The following DCLK3 variants were observed in gnomAD, a reference collection of about 807,000 sequenced individuals.
The protein encoded by DCLK3 is doublecortin like kinase 3, also known as serine/threonine-protein kinase DCLK3.
DCLK3 carries 30 observed loss-of-function variants against 46.4 expected under a neutral mutation model. The observed-to-expected ratio is 0.65, with a 90% confidence interval of 0.48 to 0.88. The LOEUF (loss-of-function observed/expected upper bound fraction) is 0.88. DCLK3 is among the 40% of genes least tolerant of loss of function. The pLI, the probability that DCLK3 is intolerant of heterozygous loss-of-function variation, is 0.00. For missense variants in DCLK3, 846 were observed against 907.1 expected (o/e 0.93, Z 0.87); for synonymous variants, 401 against 339.2 (o/e 1.18, Z -2.00).
Position 36,738,520 on chromosome 3 carries a change from G to A in DCLK3, c.647C>T (p.Ala216Val), listed in dbSNP as rs1701302326. ...CCCACAGCGGTGGTCTCCTTTCAGA[G>A]CCTTGCTAAACAGCCTGCTCCTCAG... The part of the protein sequence containing the change: ...PRLRSRLFSK[A>V]LKGDHRCGET... Residue 216 changes from alanine (A) to valine (V), a missense_variant, in exon 2 of 5, where the codon GCT becomes GTT. Ala to Val is a moderately conservative substitution (Grantham distance 64). This residue lies in a region of DCLK3 where 553 missense variants were observed against 543.0 expected (regional missense o/e 1.02). Coordinates refer to ENST00000636136, the MANE Select transcript of DCLK3 (RefSeq NM_001394672.2). 1.3e-6 allele frequency: 2 copies of A among 1,515,012 alleles called. No individual in the cohort carries two copies. Among genetic ancestry groups the A allele is most frequent in the Admixed American group, 2.2e-5 (1 of 45,532 alleles). 93.8% of individuals were successfully genotyped at this position (1,515,012 alleles called of 1,614,324 possible).
At chr3:36,759,899 A>G (rs1028408783) in intron 1 of DCLK3, among the ~76,000 whole-genome samples, 3 of 152,120 alleles carry the variant, frequency 2.0e-5, no homozygotes, top group African/African-American at 7.2e-5. Context: ...ACCATATCAT[A>G]ATCGTACATT....
rs148811847 is a variant in DCLK3 at position 36,738,438 on chromosome 3, C to T, written c.729G>A (p.Arg243=). 2.0e-3 allele frequency: 3,026 copies of T among 1,478,036 alleles called. 91 individuals carry two copies. In the South Asian group the frequency reaches 0.042, roughly 20 times the overall value. The allele number at this position is 1,478,036 out of a possible 1,614,324, so 91.6% of individuals were successfully genotyped here. The stretch of plus-strand genomic sequence containing the variant: ...GCTCCTCGGGGATCTTCCCCTGGTG[C>T]CTCATGGCTGCCTTGCATCCTGCAA... ...SEVAGCKAAM[R]HQGKIPEELS... The change falls in exon 2 of 5, where the codon AGG becomes AGA. Residue 243 remains arginine (R), a synonymous_variant. Transcript: ENST00000636136.
At chr3:36,741,796 A>G (rs921995523) in intron 1 of DCLK3, among the ~76,000 whole-genome samples, 12 of 152,250 alleles carry the variant, frequency 7.9e-5, no homozygotes, top group African/African-American at 2.9e-4. Context: ...TGTATATTGT[A>G]TCATGGGATG....
intron 1 of DCLK3, among the ~76,000 whole-genome samples, chr3:36,741,252 GC>G (rs1412015101): frequency 3.3e-5 from 5 of 152,182 alleles, no homozygotes; most frequent in Non-Finnish European, 1.5e-5. Context: ...AAACGCATGT[GC>G]ACAAAAGGGC....
Position 36,738,852 on chromosome 3 carries a change from CTG to C in DCLK3, c.313_314del (p.Gln105AlafsTer23). The C allele has an allele frequency of 4.8e-6, 3 of 628,936 alleles. No individual in the cohort carries two copies. 39.0% of individuals were successfully genotyped at this position (628,936 alleles called of 1,614,324 possible). On this transcript the variant is annotated frameshift_variant, in exon 2 of 5. Coordinates refer to ENST00000636136, the MANE Select transcript of DCLK3 (RefSeq NM_001394672.2). LOFTEE classifies it high-confidence loss of function. ...GGAGCAGAGTGATCTTTCGGGGGCG[CTG>C]CCCACCCAGCTTCACTACGGTCACG... The part of the protein sequence containing the change: ...RVVTVVKLGG[Q>X]RPRKITLLLN...
At chr3:36,718,890 T>C (rs1701022424) in intron 3 of DCLK3, among the ~76,000 whole-genome samples, 1 of 152,212 alleles carries the variant, frequency 6.6e-6, no homozygotes, top group African/African-American at 2.4e-5. Flanking sequence ...ATAAAATGTT[T>C]ATTTACTTTT....
chr3:36,727,020 C>T (rs572743538), intron 2 of DCLK3, among the ~76,000 whole-genome samples: 76 of 152,186 alleles, frequency 5.0e-4, no homozygotes, highest in African/African-American at 1.8e-3. Flanking sequence ...GGCACAGTGG[C>T]TCATGTAATC....
At chr3:36,759,734 A>G (rs1701521677) in intron 1 of DCLK3, among the ~76,000 whole-genome samples, 1 of 152,116 alleles carries the variant, frequency 6.6e-6, no homozygotes, top group Non-Finnish European at 1.5e-5. Flanking sequence ...TTAGAATACT[A>G]TTCCACACAC....
chr3:36,744,681 C>A (rs75075309), intron 1 of DCLK3, among the ~76,000 whole-genome samples: 2 of 152,280 alleles, frequency 1.3e-5, no homozygotes, highest in African/African-American at 2.4e-5. Flanking sequence ...GAAAATAAGT[C>A]CTGTAACCTT....
intron 2 of DCLK3, among the ~76,000 whole-genome samples, chr3:36,727,392 T>A (rs1313210110): frequency 6.6e-6 from 1 of 152,240 alleles, no homozygotes; most frequent in African/African-American, 2.4e-5. Context: ...ACCTTCCTCA[T>A]GGAAGCCCCC....
chr3:36,715,500 C>T lies in DCLK3; in HGVS notation c.2282G>A (p.Arg761Gln), dbSNP rs768535138. 122 of 1,531,516 alleles carry T rather than the reference C, an allele frequency of 8.0e-5. No individual in the cohort carries two copies. The highest frequency in any genetic ancestry group is 1.1e-4 in the Non-Finnish European group (120 of 1,140,674). 94.9% of individuals were successfully genotyped at this position (1,531,516 alleles called of 1,614,324 possible). Residue 761 changes from arginine (R) to glutamine (Q), a missense_variant, in exon 5 of 5, where the codon CGG (arginine) becomes CAG (glutamine). Physicochemically the swap from Arg to Gln is conservative, Grantham distance 43. Coordinates refer to ENST00000636136, the MANE Select transcript of DCLK3 (RefSeq NM_001394672.2). ...CTTTTTGGGGTCTACCACCAGCAACCGGCTCACCAGATCTTTAGCAGCTGT... is the reference window on the plus strand; with the variant it reads ...CTTTTTGGGGTCTACCACCAGCAACTGGCTCACCAGATCTTTAGCAGCTGT... ...ISDAAKDLVSRLLVVDPKKRY... is the reference protein window; with the variant it reads ...ISDAAKDLVSQLLVVDPKKRY...
chr3:36,713,579 T>G lies in DCLK3; in HGVS notation c.*1749A>C, dbSNP rs1461162604. 1 of 152,130 alleles carries G rather than the reference T, an allele frequency of 6.6e-6. No homozygotes were observed. The highest frequency in any genetic ancestry group is 1.5e-5 in the Non-Finnish European group (1 of 68,034). 9.4% of individuals were successfully genotyped at this position (152,130 alleles called of 1,614,324 possible). A position where few individuals can be genotyped will look rare whatever the true frequency, so the allele number is the denominator to read the frequency against. On this transcript the variant is annotated 3_prime_UTR_variant, in exon 5 of 5. Transcript: ENST00000636136. ...TGAGGTTAAAGCACCAGCTGGTACT[T>G]CTTTGATGTGGTTTCAAGTTTCTAG... is the stretch of plus-strand genomic sequence containing the variant.
intron 2 of DCLK3, among the ~76,000 whole-genome samples, chr3:36,722,561 A>C (rs1701075650): frequency 6.6e-6 from 1 of 152,040 alleles, no homozygotes; most frequent in Non-Finnish European, 1.5e-5. Context: ...TTGAATTGTA[A>C]CTCCCACAAT....
intron 4 of DCLK3, 48 bp from the exon 5 acceptor site, chr3:36,715,569 G>T (rs1700968649): frequency 6.7e-7 from 1 of 1,500,522 alleles, no homozygotes; most frequent in Admixed American, 2.4e-5. Context: ...AGGTGGTTCT[G>T]AATTTTTCTT....
intron 3 of DCLK3, among the ~76,000 whole-genome samples, chr3:36,719,348 A>G (rs546453175): frequency 6.6e-6 from 1 of 152,360 alleles, no homozygotes; most frequent in South Asian, 2.1e-4. Flanking sequence ...AGATATTCAT[A>G]ATTAAGCCCC....
chr3:36,737,104 A>G lies in DCLK3; in HGVS notation c.1959+104T>C. On this transcript the variant is annotated intron_variant, in intron 2 of 4. Coordinates refer to ENST00000636136, the MANE Select transcript of DCLK3 (RefSeq NM_001394672.2). This position sits in a 1 kb window ranked among gnomAD's most constrained non-coding sequence, Gnocchi z 4.4. ...AAGTATGTTATAATAACATAAAAGT[A>G]AAATTCTAGTGTGTAAAGGTGACAG... The G allele has an allele frequency of 7.1e-7, 1 of 1,416,118 alleles. No homozygotes were observed. Among genetic ancestry groups the G allele is most frequent in the African/African-American group, 1.4e-5 (1 of 69,076 alleles). The allele number at this position is 1,416,118 out of a possible 1,614,324, so 87.7% of individuals were successfully genotyped here.
At chr3:36,721,450 A>C (rs764657613) in intron 3 of DCLK3, 77 bp downstream of exon 3, 353 of 1,552,902 alleles carry the variant, frequency 2.3e-4, no homozygotes, top group Non-Finnish European at 3.0e-4. Flanking sequence ...TTCCATATTG[A>C]AAACTAGTAA....
At chr3:36,746,391 G>A (rs943879992) in intron 1 of DCLK3, among the ~76,000 whole-genome samples, 3 of 152,162 alleles carry the variant, frequency 2.0e-5, no homozygotes, top group East Asian at 1.9e-4. Context: ...TTTACGTACT[G>A]CATCAGTTGT....
intron 1 of DCLK3, among the ~76,000 whole-genome samples, chr3:36,752,004 T>C (rs1296227515): frequency 2.0e-5 from 3 of 152,252 alleles, no homozygotes; most frequent in Non-Finnish European, 4.4e-5. Flanking sequence ...GCCAGCACAC[T>C]GTCATGGATT....
Sources: allele counts gnomAD v4.1 joint callset (sites outside exome capture counted in the v4.1 genomes callset), GRCh38; gene constraint gnomAD v4.1.1; regional missense constraint gnomAD v4.1.1; non-coding constraint Gnocchi (gnomAD v3.1); transcripts MANE v1.5; gene names NCBI Gene and HGNC (gene_info 2026-07-23, HGNC 2026-07-21).